The following DGKD variants were observed in gnomAD, a reference collection of about 807,000 sequenced individuals.
DGKD encodes diacylglycerol kinase delta.
DGKD carries 68 observed loss-of-function variants against 154.4 expected under a neutral mutation model. The ratio of observed to expected loss-of-function variants is 0.44; its 90% CI spans 0.36 to 0.54. DGKD has a LOEUF of 0.54. Ranked by LOEUF, DGKD falls within the 20% of genes least tolerant of loss-of-function variation. The pLI is 0.00. For synonymous variants in DGKD, 693 were observed against 638.0 expected (o/e 1.09, Z -1.30); for missense variants, 1,343 against 1,593.6 (o/e 0.84, Z 2.68).
At position 233,452,217 on chromosome 2, in the gene DGKD, A is replaced by G. The variant is rs974730319; in HGVS notation, c.2264+157A>G. On this transcript the variant is annotated intron_variant, in intron 18 of 29. Transcript: ENST00000264057. This position sits in a 1 kb window ranked among gnomAD's most constrained non-coding sequence, Gnocchi z 4.0. ...GAAGTCGTGGAGATTCCACTTAAGGAGTGGAGCTGGAAACCACTACTGCAC... is the reference window on the plus strand; with the variant it reads ...GAAGTCGTGGAGATTCCACTTAAGGGGTGGAGCTGGAAACCACTACTGCAC... Among the ~76,000 whole-genome samples, 2 of 152,198 alleles carry G rather than the reference A, an allele frequency of 1.3e-5. No individual in the cohort carries two copies. Among genetic ancestry groups the G allele is most frequent in the African/African-American group, 4.8e-5 (2 of 41,446 alleles).
At chr2:233,426,421 G>A (rs942663488) in intron 3 of DGKD, among the ~76,000 whole-genome samples, 1 of 152,060 alleles carries the variant, frequency 6.6e-6, no homozygotes, top group Non-Finnish European at 1.5e-5. Context: ...GCATGTTCCC[G>A]ACCACGGAGA....
intron 3 of DGKD, among the ~76,000 whole-genome samples, chr2:233,393,089 A>C (rs1703743745): frequency 6.6e-6 from 1 of 150,474 alleles, no homozygotes; most frequent in Admixed American, 6.6e-5. Flanking sequence ...CAATGACGTG[A>C]TCTTGGCTCA....
intron 10 of DGKD, chr2:233,442,452 G>A (rs898576699): frequency 1.0e-5 from 3 of 295,738 alleles, no homozygotes; most frequent in Non-Finnish European, 2.0e-5. Flanking sequence ...TGTTCATATA[G>A]TCATTTAATT....
chr2:233,395,058 AC>A (rs1401507781), intron 3 of DGKD, among the ~76,000 whole-genome samples: 1 of 151,728 alleles, frequency 6.6e-6, no homozygotes, highest in Non-Finnish European at 1.5e-5. Context: ...TTAGTCAGAA[AC>A]CCTTTGCCTT....
chr2:233,454,584 T>G lies in DGKD; in HGVS notation c.2265-179T>G, dbSNP rs192643236. ...ATGACTCTGAATATACTAAAAATAA[T>G]TGAATTGTACATTTTAAATTGGTAA... On this transcript the variant is annotated intron_variant, in intron 18 of 29. Transcript: ENST00000264057. 191 of 584,062 alleles carry G rather than the reference T, an allele frequency of 3.3e-4. 1 individual carries two copies. Among genetic ancestry groups the G allele is most frequent in the Non-Finnish European group, 1.2e-4 (39 of 318,866 alleles). 36.2% of individuals were successfully genotyped at this position (584,062 alleles called of 1,614,324 possible). A position where few individuals can be genotyped will look rare whatever the true frequency, so the allele number is the denominator to read the frequency against.
intron 1 of DGKD, among the ~76,000 whole-genome samples, chr2:233,387,473 C>G (rs1703261671): frequency 6.6e-6 from 1 of 152,098 alleles, no homozygotes; most frequent in African/African-American, 2.4e-5. Context: ...GTCAAAACAT[C>G]TCATGACCAA....
intron 1 of DGKD, among the ~76,000 whole-genome samples, chr2:233,360,770 G>T (rs1273617081): frequency 6.6e-6 from 1 of 152,194 alleles, no homozygotes; most frequent in Non-Finnish European, 1.5e-5. Flanking sequence ...AGAGGAAGGG[G>T]AGGGAGATTT....
chr2:233,365,514 G>A (rs926110547), intron 1 of DGKD, among the ~76,000 whole-genome samples: 1 of 152,094 alleles, frequency 6.6e-6, no homozygotes, highest in South Asian at 2.1e-4. Context: ...TGAAGTGCTG[G>A]GATTACAGGC....
intron 1 of DGKD, among the ~76,000 whole-genome samples, chr2:233,356,250 C>T (rs564711489): frequency 6.6e-6 from 1 of 152,272 alleles, no homozygotes; most frequent in South Asian, 2.1e-4. Flanking sequence ...AGAAGTTGGG[C>T]CAGAGGTGGA....
chr2:233,391,054 G>C (rs184479714), intron 3 of DGKD, among the ~76,000 whole-genome samples: 19 of 152,258 alleles, frequency 1.2e-4, no homozygotes, highest in African/African-American at 4.6e-4. Flanking sequence ...TACTACCTCT[G>C]TACAGAGTTT....
At chr2:233,413,833 G>A (rs2061891234) in intron 3 of DGKD, among the ~76,000 whole-genome samples, 1 of 152,094 alleles carries the variant, frequency 6.6e-6, no homozygotes, top group Non-Finnish European at 1.5e-5. Context: ...TCTGAGTCAG[G>A]GCTTGCCAAT....
chr2:233,403,326 G>A (rs1011316613), intron 3 of DGKD, among the ~76,000 whole-genome samples: 1 of 152,118 alleles, frequency 6.6e-6, no homozygotes, highest in South Asian at 2.1e-4. Flanking sequence ...TTGGGAGGCC[G>A]AGGCAGGCGG....
intron 3 of DGKD, 84 bp from the exon 4 acceptor site, chr2:233,434,296 G>T (rs1332515257): frequency 2.0e-6 from 2 of 1,005,776 alleles, no homozygotes; most frequent in Non-Finnish European, 3.1e-6. Context: ...TTATGTCTGT[G>T]TGAGGTCGGT....
At chr2:233,417,808 G>A (rs981284666) in intron 3 of DGKD, among the ~76,000 whole-genome samples, 5 of 152,148 alleles carry the variant, frequency 3.3e-5, no homozygotes, top group African/African-American at 1.2e-4. Flanking sequence ...GACATTTGGG[G>A]ACTCCACACT....
intron 27 of DGKD, among the ~76,000 whole-genome samples, chr2:233,464,933 G>A (rs933577414): frequency 2.6e-5 from 4 of 152,276 alleles, no homozygotes; most frequent in African/African-American, 9.6e-5. Context: ...TACAGTTGCA[G>A]AAGGCAAATA....
rs1559178070 is a variant in DGKD, at chr2:233,460,226, C to T, written c.2862C>T (p.Asp954=). 1 of 1,613,976 alleles carries T rather than the reference C, an allele frequency of 6.2e-7. No homozygotes were observed. Among genetic ancestry groups the T allele is most frequent in the Admixed American group, 1.7e-5 (1 of 60,004 alleles). ...AGAGCACCCTGAAGTCCTGGGAAGA[C>T]AAGCAGAAGTGCGAGCTGCCCCGCC... The part of the protein sequence containing the change: ...AFESTLKSWE[D]KQKCELPRPP... The change falls in exon 24 of 30, where the codon GAC becomes GAT. Residue 954 remains aspartate, a synonymous_variant. Transcript: ENST00000264057.
intron 3 of DGKD, among the ~76,000 whole-genome samples, chr2:233,401,724 A>G (rs2061561226): frequency 6.6e-6 from 1 of 152,096 alleles, no homozygotes; most frequent in Non-Finnish European, 1.5e-5. Flanking sequence ...ATTCAAGACC[A>G]GCCTGACCAA....
intron 7 of DGKD, among the ~76,000 whole-genome samples, 174 bp downstream of exon 7, chr2:233,436,615 T>C (rs2062705696): frequency 1.3e-5 from 2 of 152,250 alleles, no homozygotes; most frequent in Non-Finnish European, 2.9e-5. Flanking sequence ...AGCTATGTTT[T>C]GGGGTATTTC....
chr2:233,429,294 C>T (rs7572257), intron 3 of DGKD: 87,442 of 983,592 alleles, frequency 0.089, 4,520 homozygotes, highest in African/African-American at 0.22. Context: ...CCGAGTTATG[C>T]ACAGTAAGGT....
Sources: allele counts gnomAD v4.1 joint callset (sites outside exome capture counted in the v4.1 genomes callset), GRCh38; gene constraint gnomAD v4.1.1; non-coding constraint Gnocchi (gnomAD v3.1); transcripts MANE v1.5; gene names NCBI Gene and HGNC (gene_info 2026-07-23, HGNC 2026-07-21).